Variants in PNLDC1 observed in about 807,000 individuals in gnomAD.
PNLDC1 encodes the protein PARN like ribonuclease domain containing exonuclease 1.
In PNLDC1, 70 loss-of-function variants were observed where a neutral mutation model predicts 82.0. The ratio of observed to expected loss-of-function variants is 0.85; its 90% CI spans 0.70 to 1.04. The LOEUF (loss-of-function observed/expected upper bound fraction) is 1.04. Ranked by LOEUF, PNLDC1 falls within the 50% of genes least tolerant of loss-of-function variation. The pLI, the probability that PNLDC1 is intolerant of heterozygous loss-of-function variation, is 0.00. For synonymous variants in PNLDC1, 280 were observed against 249.3 expected (o/e 1.12, Z -1.16); for missense variants, 631 against 661.1 (o/e 0.95, Z 0.50).
In PNLDC1 at chr6:159,800,565, C is replaced by A. The variant is rs1418601113; in HGVS notation, c.76+182C>A. On this transcript the variant is annotated intron_variant, in intron 1 of 18. Coordinates refer to ENST00000392167, the MANE Select transcript of PNLDC1 (RefSeq NM_001271862.2). ...CTTTGAGCAGCAAGTACACTCCGAG[C>A]CCCACGTCCCTTGTTGGCCAGAGCC... 2.1e-6 allele frequency: 3 copies of A among 1,400,866 alleles called. No individual in the cohort carries two copies. In the Admixed American group the frequency reaches 5.7e-5, roughly 27 times the overall value. 86.8% of individuals were successfully genotyped at this position (1,400,866 alleles called of 1,614,324 possible). A position where few individuals can be genotyped will look rare whatever the true frequency, so the allele number is the denominator to read the frequency against.
chr6:159,806,022 A>G lies in PNLDC1; in HGVS notation c.501A>G (p.Glu167=). The G allele has an allele frequency of 6.2e-7, 1 of 1,614,170 alleles. No individual in the cohort carries two copies. The highest frequency in any genetic ancestry group is 8.5e-7 in the Non-Finnish European group (1 of 1,180,032). The change falls in exon 7 of 19, where the codon GAA becomes GAG. Residue 167 remains glutamate, a synonymous_variant. Coordinates refer to ENST00000392167, the MANE Select transcript of PNLDC1 (RefSeq NM_001271862.2). ...DKDQIKVVID[E]VTRWLELAKE... is the part of the protein sequence containing the mutation. ...ACCAAATCAAGGTGGTGATTGACGA[A>G]GTGACGCGGTGGCTGGAGCTGGCCA...
chr6:159,808,858 TTCTC>T, intron 8 of PNLDC1, 42 bp downstream of exon 8: 1 of 1,603,464 alleles, frequency 6.2e-7, no homozygotes, highest in Non-Finnish European at 8.5e-7. Context: ...GCTCCATTGT[TTCTC>T]TCTCATAATT....
At chr6:159,811,851 C>T in intron 11 of PNLDC1, 65 bp downstream of exon 11, 1 of 1,204,146 alleles carries the variant, frequency 8.3e-7, no homozygotes, top group Non-Finnish European at 1.2e-6. Context: ...TTAGCTTTCT[C>T]TTGTGGGGTT....
At chr6:159,799,702 G>A (rs986711928), upstream of PNLDC1, among the ~76,000 whole-genome samples, 1 of 152,120 alleles carries the variant, frequency 6.6e-6, no homozygotes. Flanking sequence ...GATAATCCCT[G>A]GGGACCAAGG....
intron 3 of PNLDC1, among the ~76,000 whole-genome samples, chr6:159,802,904 C>A (rs1357403413): frequency 6.6e-6 from 1 of 150,632 alleles, no homozygotes. Context: ...TTTTTTTTAA[C>A]TTTGCATATG....
Position 159,819,159 on chromosome 6 carries a change from C to A in PNLDC1, c.1433+38C>A, listed in dbSNP as rs535679933. 6.2e-7 allele frequency: 1 copy of A among 1,609,482 alleles called. No individual in the cohort carries two copies. The highest frequency in any genetic ancestry group is 1.7e-5 in the Admixed American group (1 of 59,940). ...AAGTCCGCGTCCCCCACCCCTCGTG[C>A]GTTCATCCCTGTATCTCTCTGACTC... On this transcript the variant is annotated intron_variant, in intron 17 of 18. Transcript: ENST00000392167. This position sits in a 1 kb window ranked among gnomAD's most constrained non-coding sequence, Gnocchi z 4.6.
At chr6:159,808,666 C>T (rs1372719470) in intron 7 of PNLDC1, 74 bp from the exon 8 acceptor site, 5 of 1,395,868 alleles carry the variant, frequency 3.6e-6, no homozygotes, top group African/African-American at 2.9e-5. Flanking sequence ...GCTTCTGCTC[C>T]TCCAGGGCTT....
intron 15 of PNLDC1, among the ~76,000 whole-genome samples, chr6:159,817,712 G>A (rs111909049): frequency 2.6e-5 from 4 of 152,360 alleles, no homozygotes; most frequent in South Asian, 2.1e-4. Flanking sequence ...CTACAGCACC[G>A]TCCTTGGCAT....
chr6:159,818,299 G>A (rs1781905585), intron 15 of PNLDC1, among the ~76,000 whole-genome samples: 1 of 152,236 alleles, frequency 6.6e-6, no homozygotes, highest in African/African-American at 2.4e-5. Context: ...TTTGTCACCA[G>A]TGGGACCCTC....
At chr6:159,806,215 ATTTG>A (rs1781441491) in intron 7 of PNLDC1, 132 bp downstream of exon 7, 2 of 704,036 alleles carry the variant, frequency 2.8e-6, no homozygotes, top group South Asian at 3.1e-5. Flanking sequence ...TGATGCAAGC[ATTTG>A]TTTGGCGGTT....
upstream of PNLDC1, among the ~76,000 whole-genome samples, chr6:159,799,556 A>C (rs1316755764): frequency 3.3e-5 from 5 of 152,204 alleles, no homozygotes; most frequent in Admixed American, 6.5e-5. Context: ...GTTCAAGTAG[A>C]AGCCTAGAAT....
Position 159,813,649 on chromosome 6 carries a change from C to A in PNLDC1, c.988C>A (p.Leu330Met). Residue 330 changes from leucine to methionine, a missense_variant, in exon 12 of 19, where the codon CTG becomes ATG. Physicochemically the swap from Leu to Met is conservative, Grantham distance 15 (BLOSUM62 2). Coordinates refer to ENST00000392167, the MANE Select transcript of PNLDC1 (RefSeq NM_001271862.2). ...VSNLSEVYEV[L>M]NSDLNPTKNS... ...GAATCTTTCGGAAGTCTATGAAGTC[C>A]TGAACAGGTGAGGACGGCGATTCCT... 6.2e-7 allele frequency: 1 copy of A among 1,613,804 alleles called. No individual in the cohort carries two copies. Among genetic ancestry groups the A allele is most frequent in the South Asian group, 1.1e-5 (1 of 91,080 alleles).
chr6:159,804,215 T>G, intron 5 of PNLDC1, 127 bp downstream of exon 5: 2 of 1,135,424 alleles, frequency 1.8e-6, no homozygotes, highest in South Asian at 3.0e-5. Flanking sequence ...ATTTTCCTGC[T>G]TCAGCCTCCC....
At chr6:159,815,256 G>A (rs1057195798) in intron 12 of PNLDC1, among the ~76,000 whole-genome samples, 5 of 152,204 alleles carry the variant, frequency 3.3e-5, no homozygotes, top group African/African-American at 1.2e-4. Flanking sequence ...CCTGAGTGGT[G>A]TCCCAGCCTT....
Position 159,804,095 on chromosome 6 carries a change from C to A in PNLDC1, c.372+7C>A. The A allele has an allele frequency of 5.6e-6, 9 of 1,611,958 alleles. No homozygotes were observed. The highest frequency in any genetic ancestry group is 7.6e-6 in the Non-Finnish European group (9 of 1,179,356). On this transcript the variant is annotated splice_region_variant and intron_variant, in intron 5 of 18. Coordinates refer to ENST00000392167, the MANE Select transcript of PNLDC1 (RefSeq NM_001271862.2). ...TGGCTTCAACTATAACAAGGTATGG[C>A]ATTGGAGGAGGGGAACGGGAATGTC... is the stretch of plus-strand genomic sequence containing the variant.
intron 9 of PNLDC1, 40 bp from the exon 10 acceptor site, chr6:159,809,985 AT>A: frequency 6.5e-7 from 1 of 1,536,884 alleles, no homozygotes; most frequent in Non-Finnish European, 9.0e-7. Context: ...TCTGGATTAC[AT>A]TTTTTTATTT....
Position 159,800,482 on chromosome 6 carries a change from C to T in PNLDC1, c.76+99C>T, listed in dbSNP as rs113904833. On this transcript the variant is annotated intron_variant, in intron 1 of 18. Coordinates refer to ENST00000392167, the MANE Select transcript of PNLDC1 (RefSeq NM_001271862.2). ...GGACGGTTGCCAGGCCACAGGGCCT[C>T]AGAGAGGGCCTCGGGAAGGACAGGG... is the stretch of plus-strand genomic sequence containing the variant. 38 of 1,398,374 alleles carry T rather than the reference C, an allele frequency of 2.7e-5. 1 individual carries two copies. Among genetic ancestry groups the T allele is most frequent in the South Asian group, 2.3e-4 (17 of 74,558 alleles). 86.6% of individuals were successfully genotyped at this position (1,398,374 alleles called of 1,614,324 possible). A position where few individuals can be genotyped will look rare whatever the true frequency, so the allele number is the denominator to read the frequency against.
At chr6:159,811,963 G>A (rs935811906) in intron 11 of PNLDC1, among the ~76,000 whole-genome samples, 177 bp downstream of exon 11, 3 of 151,866 alleles carry the variant, frequency 2.0e-5, no homozygotes, top group African/African-American at 4.8e-5. Flanking sequence ...GCAATGGCGC[G>A]ATCTCAGCTC....
chr6:159,818,583 C>G lies in PNLDC1; in HGVS notation c.1186C>G (p.Pro396Ala). The G allele has an allele frequency of 6.2e-7, 1 of 1,613,892 alleles. No individual in the cohort carries two copies. The highest frequency in any genetic ancestry group is 8.5e-7 in the Non-Finnish European group (1 of 1,180,034). Residue 396 changes from proline (P) to alanine (A), a missense_variant, in exon 16 of 19, where the codon CCT (proline) becomes GCT (alanine). Coordinates refer to ENST00000392167, the MANE Select transcript of PNLDC1 (RefSeq NM_001271862.2). ...CGACCCCGTGCCCGAGTCATCCTTT[C>G]CTCAGTACCTTGACGTGCTGGCTCC... Reference protein sequence around the residue: ...HIDPVPESSFPQYLDVLAPYV... With the variant: ...HIDPVPESSFAQYLDVLAPYV...
Sources: allele counts gnomAD v4.1 joint callset (sites outside exome capture counted in the v4.1 genomes callset), GRCh38; gene constraint gnomAD v4.1.1; non-coding constraint Gnocchi (gnomAD v3.1); transcripts MANE v1.5; gene names NCBI Gene and HGNC (gene_info 2026-07-23, HGNC 2026-07-21).